TSPAN11: variants seen among roughly 807,000 people sequenced by gnomAD.
TSPAN11 encodes the protein tetraspanin-11.
Under a neutral mutation model 32.9 loss-of-function variants are expected in TSPAN11, and 29 were observed. That is an observed-to-expected ratio of 0.88 (90% CI 0.66 to 1.20). The LOEUF is 1.20. Ranked by LOEUF, TSPAN11 falls within the 50% of genes most tolerant of loss-of-function variation. The pLI is 0.00. For synonymous variants in TSPAN11, 140 were observed against 141.3 expected (o/e 0.99, Z 0.07); for missense variants, 283 against 329.1 (o/e 0.86, Z 1.08).
At position 30,975,195 on chromosome 12, in the gene TSPAN11, G is replaced by A. The variant is rs1026479033; in HGVS notation, c.277-3366G>A. On this transcript the variant is annotated intron_variant, in intron 3 of 7. Transcript: ENST00000546076. The surrounding 1 kb of genome is among the most constrained non-coding windows in gnomAD (Gnocchi z 4.5). ...GACCCAGGGAGTCAGGAAAGGCTGGGTAAGGTGCAGGGTGGAGGGGCAGAG... is the reference window on the plus strand; with the variant it reads ...GACCCAGGGAGTCAGGAAAGGCTGGATAAGGTGCAGGGTGGAGGGGCAGAG... Among the ~76,000 whole-genome samples the A allele has an allele frequency of 1.3e-5, 2 of 152,218 alleles. No homozygotes were observed. Among genetic ancestry groups the A allele is most frequent in the Non-Finnish European group, 2.9e-5 (2 of 68,030 alleles).
chr12:30,970,915 T>C (rs565562270), intron 3 of TSPAN11, among the ~76,000 whole-genome samples: 2 of 152,318 alleles, frequency 1.3e-5, no homozygotes, highest in East Asian at 1.9e-4. Context: ...CAGAAAATAA[T>C]TCCCCCTAGG....
At chr12:30,963,766 A>G (rs1938662646) in intron 2 of TSPAN11, 60 bp from the exon 3 acceptor site, 2 of 1,559,962 alleles carry the variant, frequency 1.3e-6, no homozygotes, top group Admixed American at 1.7e-5. Context: ...TGGGCACTGA[A>G]CGGATAGCAG....
intron 1 of TSPAN11, among the ~76,000 whole-genome samples, chr12:30,936,175 A>G (rs761247592): frequency 7.5e-5 from 11 of 145,904 alleles, no homozygotes; most frequent in Non-Finnish European, 1.5e-4. Context: ...CTTCTCTGTC[A>G]CCTTCTTTGC....
At chr12:30,944,394 C>T (rs1938226450) in intron 1 of TSPAN11, among the ~76,000 whole-genome samples, 1 of 152,278 alleles carries the variant, frequency 6.6e-6, no homozygotes, top group Non-Finnish European at 1.5e-5. Context: ...CCCTCACAAT[C>T]CCCCAGCCCC....
chr12:30,963,294 T>C (rs1820549112), intron 2 of TSPAN11, among the ~76,000 whole-genome samples: 1 of 152,140 alleles, frequency 6.6e-6, no homozygotes, highest in Non-Finnish European at 1.5e-5. Flanking sequence ...TTACCTTTCC[T>C]CCGTGGGTCT....
At chr12:30,954,320 A>G (rs935845945) in intron 2 of TSPAN11, 7 of 544,306 alleles carry the variant, frequency 1.3e-5, no homozygotes, top group Admixed American at 3.2e-5. Context: ...AGGCACAAAC[A>G]TAACAATAGG....
At chr12:30,974,411 C>G (rs986624940) in intron 3 of TSPAN11, among the ~76,000 whole-genome samples, 2 of 152,172 alleles carry the variant, frequency 1.3e-5, no homozygotes, top group Non-Finnish European at 1.5e-5. Flanking sequence ...TGCCAAATAC[C>G]CACTGGTTGC....
chr12:30,956,671 G>C (rs994000139), intron 2 of TSPAN11, among the ~76,000 whole-genome samples: 1 of 152,016 alleles, frequency 6.6e-6, no homozygotes, highest in Non-Finnish European at 1.5e-5. Context: ...AGAAAATGTG[G>C]TCCAGGGTTT....
chr12:30,926,879 C>T, intron 1 of TSPAN11, 83 bp downstream of exon 1: 1 of 1,214,890 alleles, frequency 8.2e-7, no homozygotes, highest in South Asian at 1.4e-5. Flanking sequence ...ACCTCCGCTG[C>T]CCGCCCCGCC....
At chr12:30,950,191 G>A (rs1010922994) in intron 1 of TSPAN11, among the ~76,000 whole-genome samples, 1 of 151,868 alleles carries the variant, frequency 6.6e-6, no homozygotes, top group African/African-American at 2.4e-5. Context: ...AGCTTGGCAT[G>A]TAAGGTCGCT....
At chr12:30,958,384 A>G (rs1382889275) in intron 2 of TSPAN11, among the ~76,000 whole-genome samples, 1 of 152,134 alleles carries the variant, frequency 6.6e-6, no homozygotes, top group African/African-American at 2.4e-5. Flanking sequence ...CTGGGGAGAA[A>G]TGCATGCCTG....
At position 30,978,653 on chromosome 12, in the gene TSPAN11, C is replaced by T. The variant is rs755762043; in HGVS notation, c.351+18C>T. 1.2e-6 allele frequency: 2 copies of T among 1,612,330 alleles called. No individual in the cohort carries two copies. The highest frequency in any genetic ancestry group is 3.3e-5 in the Admixed American group (2 of 60,022). ...ACCAGAGGGTAAGTGACGTTTCCTC[C>T]TCCTGCATCCTCTGTCAGTGTCCTG... On this transcript the variant is annotated intron_variant, in intron 4 of 7. Transcript: ENST00000546076.
At position 30,943,883 on chromosome 12, in the gene TSPAN11, T is replaced by C. The variant is rs75002567; in HGVS notation, c.-11-10098T>C. Among the ~76,000 whole-genome samples, 18 of 152,358 alleles carry C rather than the reference T, an allele frequency of 1.2e-4. No homozygotes were observed. In the East Asian group the frequency reaches 3.5e-3, roughly 29 times the overall value. ...TGGCATGGGGTGTGGAAATCCACCATGCAGGGGCTGTAACCAAGTTTCATT... is the reference window on the plus strand; with the variant it reads ...TGGCATGGGGTGTGGAAATCCACCACGCAGGGGCTGTAACCAAGTTTCATT... On this transcript the variant is annotated intron_variant, in intron 1 of 7. Transcript: ENST00000546076.
At position 30,993,034 on chromosome 12, in the gene TSPAN11, T is replaced by C. The variant is rs1939347374; in HGVS notation, c.*1119T>C. 1 of 152,126 alleles carries C rather than the reference T, an allele frequency of 6.6e-6. No homozygotes were observed. The highest frequency in any genetic ancestry group is 2.4e-5 in the African/African-American group (1 of 41,396). The allele number at this position is 152,126 out of a possible 1,614,324, so 9.4% of individuals were successfully genotyped here. On this transcript the variant is annotated 3_prime_UTR_variant, in exon 8 of 8. Transcript: ENST00000546076. Reference sequence around the variant, plus strand: ...AATTTTCAGGAAGAACTTTCCCCAGTAATAAGGGAGAACAGAAAGAAAATC... The same window carrying C: ...AATTTTCAGGAAGAACTTTCCCCAGCAATAAGGGAGAACAGAAAGAAAATC...
intron 1 of TSPAN11, among the ~76,000 whole-genome samples, chr12:30,933,133 G>T (rs191785532): frequency 6.6e-6 from 1 of 152,134 alleles, no homozygotes; most frequent in Non-Finnish European, 1.5e-5. Flanking sequence ...CTGCTCTAGT[G>T]GGGAGAGGCA....
chr12:31,011,669 C>T, the TSPAN11 span, among the ~76,000 whole-genome samples: 1 of 152,056 alleles, frequency 6.6e-6, no homozygotes, highest in Non-Finnish European at 1.5e-5. Context: ...AGTATGGGCA[C>T]AGGACCCCTG....
chr12:30,982,159 C>A (rs1426970190), intron 5 of TSPAN11, among the ~76,000 whole-genome samples: 3 of 152,166 alleles, frequency 2.0e-5, no homozygotes, highest in Admixed American at 6.5e-5. Context: ...CCAGGAAACT[C>A]CCCTGCCTTG....
At chr12:30,951,928 C>T (rs559586769) in intron 1 of TSPAN11, among the ~76,000 whole-genome samples, 2 of 152,328 alleles carry the variant, frequency 1.3e-5, no homozygotes, top group South Asian at 4.1e-4. Flanking sequence ...TAAAATTCCT[C>T]ATTCTTTCTG....
At chr12:30,974,929 G>A (rs1435830053) in intron 3 of TSPAN11, among the ~76,000 whole-genome samples, 3 of 152,232 alleles carry the variant, frequency 2.0e-5, no homozygotes, top group African/African-American at 4.8e-5. Context: ...GCATTCAGAC[G>A]GTGGGGAGTG....
Sources: gnomAD v4.1 joint callset for allele counts (sites outside exome capture counted in the v4.1 genomes callset) on GRCh38, gnomAD v4.1.1 for gene constraint, Gnocchi (gnomAD v3.1) non-coding constraint, MANE v1.5 for transcripts, NCBI Gene and HGNC (gene_info 2026-07-23, HGNC 2026-07-21) for gene names.